The following IMPG1 variants were observed in gnomAD, a reference collection of about 807,000 sequenced individuals.
IMPG1 encodes interphotoreceptor matrix proteoglycan of 150 kDa.
IMPG1 carries 85 observed loss-of-function variants against 92.0 expected under a neutral mutation model. The ratio of observed to expected loss-of-function variants is 0.92; its 90% confidence interval spans 0.78 to 1.11. The LOEUF (loss-of-function observed/expected upper bound fraction) is 1.11, where lower values mean the gene tolerates loss of function less well. Ranked by LOEUF, IMPG1 falls within the 50% of genes least tolerant of loss-of-function variation. IMPG1 has a pLI of 0.00. For synonymous variants in IMPG1, 367 were observed against 334.1 expected, an observed-to-expected ratio of 1.10 and a Z score of -1.08; for missense variants, 1,022 against 956.0, an observed-to-expected ratio of 1.07 and a Z score of -0.91.
At chr6:76,038,133 C>T (rs1040240843) in intron 2 of IMPG1, among the ~76,000 whole-genome samples, 1 of 152,112 alleles carries the variant, frequency 6.6e-6, no homozygotes, top group Non-Finnish European at 1.5e-5. Flanking sequence ...TGCAGGCAGT[C>T]CCTGTCATAT....
intron 15 of IMPG1, 41 bp downstream of exon 15, chr6:75,930,912 A>G (rs1424027516): frequency 6.5e-7 from 1 of 1,527,846 alleles, no homozygotes. Context: ...AAGTGTAAGT[A>G]ATGAGTTCTT....
At chr6:76,068,294 G>A (rs918224160) in intron 1 of IMPG1, among the ~76,000 whole-genome samples, 1 of 151,994 alleles carries the variant, frequency 6.6e-6, no homozygotes, top group Non-Finnish European at 1.5e-5. Flanking sequence ...AAATCCTAAA[G>A]ACTCCTCCAA....
At chr6:75,990,062 A>C (rs1195852017) in intron 12 of IMPG1, among the ~76,000 whole-genome samples, 2 of 152,234 alleles carry the variant, frequency 1.3e-5, no homozygotes, top group African/African-American at 4.8e-5. Context: ...AAAGCAAATA[A>C]ACAAACTTAC....
chr6:76,061,819 A>G (rs1341675711), intron 1 of IMPG1, among the ~76,000 whole-genome samples: 1 of 152,204 alleles, frequency 6.6e-6, no homozygotes, highest in African/African-American at 2.4e-5. Flanking sequence ...TGCAACTGGT[A>G]TTTCCATTAT....
chr6:75,984,223 T>C (rs558550946), intron 12 of IMPG1, among the ~76,000 whole-genome samples: 1 of 152,344 alleles, frequency 6.6e-6, no homozygotes, highest in South Asian at 2.1e-4. Flanking sequence ...TGGGTATATA[T>C]ACAAAGCAAA....
chr6:76,034,487 G>A, intron 3 of IMPG1, 134 bp downstream of exon 3: 2 of 1,210,710 alleles, frequency 1.7e-6, no homozygotes, highest in Non-Finnish European at 1.2e-6. Flanking sequence ...AATTTCTATT[G>A]GCCTAATCAG....
chr6:75,968,631 ATAACAC>A (rs1286639741), intron 12 of IMPG1, among the ~76,000 whole-genome samples: 1 of 151,942 alleles, frequency 6.6e-6, no homozygotes, highest in African/African-American at 2.4e-5. Flanking sequence ...TTTAGGGAAA[ATAACAC>A]TAACTTAAAA....
intron 12 of IMPG1, among the ~76,000 whole-genome samples, chr6:75,993,928 C>A (rs1782856782): frequency 1.3e-5 from 2 of 152,160 alleles, no homozygotes; most frequent in Non-Finnish European, 1.5e-5. Context: ...GGAAACAGAA[C>A]CAAGCCAGCT....
intron 1 of IMPG1, among the ~76,000 whole-genome samples, chr6:76,057,784 T>A (rs1479346931): frequency 6.6e-6 from 1 of 152,104 alleles, no homozygotes; most frequent in Non-Finnish European, 1.5e-5. Flanking sequence ...ATTAAGGACA[T>A]TTATGTACCT....
intron 4 of IMPG1, 58 bp downstream of exon 4, chr6:76,034,257 T>C: frequency 6.6e-7 from 1 of 1,520,026 alleles, no homozygotes; most frequent in East Asian, 2.3e-5. Context: ...TTCACTCCAT[T>C]ATATGATCTT....
At chr6:76,033,597 G>A (rs1783687565) in intron 4 of IMPG1, among the ~76,000 whole-genome samples, 1 of 152,222 alleles carries the variant, frequency 6.6e-6, no homozygotes, top group South Asian at 2.1e-4. Flanking sequence ...CCTAGACTAG[G>A]TTAGTGGCAA....
chr6:75,976,410 C>G (rs1304425476), intron 12 of IMPG1, among the ~76,000 whole-genome samples: 2 of 152,034 alleles, frequency 1.3e-5, no homozygotes, highest in Admixed American at 6.6e-5. Context: ...AAAAATACAA[C>G]AATTAGCCAG....
chr6:75,957,015 G>A (rs984021043), intron 12 of IMPG1, among the ~76,000 whole-genome samples: 1 of 152,132 alleles, frequency 6.6e-6, no homozygotes, highest in South Asian at 2.1e-4. Context: ...TGCCTCCCGG[G>A]TTTAAGCAAT....
intron 12 of IMPG1, among the ~76,000 whole-genome samples, chr6:75,974,367 CTTTCTTTCTTTCTTTCTTTCTTTCT>C (rs1383060614): frequency 1.4e-4 from 13 of 92,278 alleles, no homozygotes; most frequent in South Asian, 7.5e-4. Context: ...TTCTTTCTTT[CTTTCTTTCTTTCTTTCTTTCTTTCT>C]TTTCTTTCTT....
chr6:76,007,650 A>G (rs1210079030), intron 8 of IMPG1, 150 bp from the exon 9 acceptor site: 7 of 554,182 alleles, frequency 1.3e-5, no homozygotes, highest in South Asian at 5.9e-5. Context: ...TGAAAGATTC[A>G]TATAAACTGC....
At chr6:76,037,831 A>G (rs901263839) in intron 2 of IMPG1, among the ~76,000 whole-genome samples, 79 of 152,232 alleles carry the variant, frequency 5.2e-4, no homozygotes, top group African/African-American at 1.9e-3. Context: ...ACTTTCATGG[A>G]CAATATCTGT....
At chr6:75,941,043 A>G (rs1361702801) in intron 14 of IMPG1, among the ~76,000 whole-genome samples, 2 of 152,202 alleles carry the variant, frequency 1.3e-5, no homozygotes, top group Non-Finnish European at 2.9e-5. Context: ...TCCAGTATTT[A>G]ACAGACTCTA....
intron 14 of IMPG1, among the ~76,000 whole-genome samples, 189 bp from the exon 15 acceptor site, chr6:75,931,340 A>G (rs534061029): frequency 6.6e-6 from 1 of 152,348 alleles, no homozygotes; most frequent in African/African-American, 2.4e-5. Context: ...TACAGACACA[A>G]GTGATATTAG....
At chr6:76,071,864 T>C (rs1284436624) in intron 1 of IMPG1, among the ~76,000 whole-genome samples, 1 of 152,128 alleles carries the variant, frequency 6.6e-6, no homozygotes, top group Non-Finnish European at 1.5e-5. Context: ...AGATTTGCCA[T>C]AAGAACATAC....
Sources: allele counts gnomAD v4.1 joint callset (sites outside exome capture counted in the v4.1 genomes callset), GRCh38; gene constraint gnomAD v4.1.1; transcripts MANE v1.5; gene names NCBI Gene and HGNC (gene_info 2026-07-23, HGNC 2026-07-21).